The following VRK2 variants were observed in gnomAD, a reference collection of about 807,000 sequenced individuals.
The protein encoded by VRK2 is serine/threonine-protein kinase VRK2.
VRK2 carries 60 observed loss-of-function variants against 57.6 expected under a neutral mutation model. That is an observed-to-expected ratio of 1.04 (90% CI 0.85 to 1.29). VRK2 has a LOEUF of 1.29. VRK2 is among the 50% of genes most tolerant of loss of function. The pLI is 0.00. For synonymous variants in VRK2, 231 were observed against 199.2 expected (o/e 1.16, Z -1.35); for missense variants, 705 against 588.1 (o/e 1.20, Z -2.06).
intron 1 of VRK2, chr2:58,047,366 G>A (rs899144348): frequency 1.1e-6 from 1 of 951,126 alleles, no homozygotes; most frequent in Non-Finnish European, 1.3e-6. Flanking sequence ...ACTCATCTTA[G>A]CCCTGGGAAG....
chr2:58,020,326 C>T (rs1673712982), intron 1 of VRK2, among the ~76,000 whole-genome samples: 1 of 152,222 alleles, frequency 6.6e-6, no homozygotes, highest in Non-Finnish European at 1.5e-5. Context: ...CCACCTCAGC[C>T]TCCTACCTAA....
intron 7 of VRK2, among the ~76,000 whole-genome samples, chr2:58,095,992 T>G (rs761205271): frequency 6.6e-4 from 100 of 152,234 alleles, no homozygotes; most frequent in Non-Finnish European, 1.3e-3. Context: ...TTGAATGTGT[T>G]TTATTTTTAT....
chr2:57,939,744 T>C (rs1341061817), intron 1 of VRK2, among the ~76,000 whole-genome samples: 12 of 152,242 alleles, frequency 7.9e-5, no homozygotes, highest in Non-Finnish European at 1.0e-4. Flanking sequence ...TTGTTAACTA[T>C]TGAAGTTGAT....
chr2:57,929,036 G>A (rs1267890870), intron 1 of VRK2, among the ~76,000 whole-genome samples: 2 of 152,106 alleles, frequency 1.3e-5, no homozygotes, highest in African/African-American at 4.8e-5. Flanking sequence ...CTTGCCCAAG[G>A]CCCACAATAA....
At chr2:58,041,186 G>C in intron 3 of VRK2, 3 of 406,270 alleles carry the variant, frequency 7.4e-6, no homozygotes, top group Non-Finnish European at 1.0e-5. Context: ...GTCAATATTT[G>C]GTTTACTACA....
chr2:58,025,252 G>GGCATTGCTCA (rs952724825), intron 1 of VRK2, among the ~76,000 whole-genome samples: 9 of 148,732 alleles, frequency 6.1e-5, no homozygotes, highest in Admixed American at 2.6e-4. Flanking sequence ...CACAAGAAAA[G>GGCATTGCTCA]GCATTGCTCA....
At chr2:58,022,063 T>C (rs1331638370) in intron 1 of VRK2, among the ~76,000 whole-genome samples, 1 of 152,214 alleles carries the variant, frequency 6.6e-6, no homozygotes, top group Non-Finnish European at 1.5e-5. Context: ...ACTCATTAGC[T>C]ATTTCAAACC....
At chr2:57,993,418 T>C (rs537135475) in intron 1 of VRK2, among the ~76,000 whole-genome samples, 2 of 151,682 alleles carry the variant, frequency 1.3e-5, no homozygotes, top group African/African-American at 2.4e-5. Context: ...ATGGGTGTGC[T>C]AAGCAATGGG....
chr2:58,084,130 G>A lies in VRK2; in HGVS notation c.178G>A (p.Val60Ile), dbSNP rs781297733. Residue 60 changes from valine (V) to isoleucine (I), a missense_variant, in exon 3 of 13, where the codon GTA (valine) becomes ATA (isoleucine). By Grantham distance (29) the Val-to-Ile change is conservative (BLOSUM62 3). Transcript: ENST00000340157. ...NKPEKDARHV[V>I]KVEYQENGPL... ...ACCAGAGAAAGATGCAAGACATGTA[G>A]TAAAAGTGGTAAGTGTTGCTCATAG... 1 of 1,606,136 alleles carries A rather than the reference G, an allele frequency of 6.2e-7. No individual in the cohort carries two copies. The highest frequency in any genetic ancestry group is 1.1e-5 in the South Asian group (1 of 89,674).
In VRK2 at chr2:58,088,389, C is replaced by G. The variant is rs1439271270; in HGVS notation, c.393C>G (p.Ile131Met). 1.2e-6 allele frequency: 2 copies of G among 1,613,282 alleles called. No homozygotes were observed. The highest frequency in any genetic ancestry group is 1.3e-5 in the African/African-American group (1 of 74,910). Residue 131 changes from isoleucine to methionine, a missense_variant, in exon 6 of 13, where the codon ATC (isoleucine) becomes ATG (methionine). Ile to Met is a conservative substitution (Grantham distance 10). Coordinates refer to ENST00000340157, the MANE Select transcript of VRK2 (RefSeq NM_006296.7). ...MERLGIDLQK[I>M]SGQNGTFKKS... ...GACTAGGAATAGATTTACAGAAGAT[C>G]TCAGGCCAGAATGGTACCTTTAAAA...
chr2:57,948,716 C>G (rs1348862774), intron 1 of VRK2, among the ~76,000 whole-genome samples: 2 of 151,968 alleles, frequency 1.3e-5, no homozygotes, highest in African/African-American at 4.8e-5. Flanking sequence ...CATAAGCTTT[C>G]TTGGTAAGGT....
chr2:58,058,199 A>AT (rs1188884460), intron 2 of VRK2, among the ~76,000 whole-genome samples: 1 of 151,924 alleles, frequency 6.6e-6, no homozygotes, highest in East Asian at 1.9e-4. Flanking sequence ...TCATGAATTA[A>AT]TTTTTTTTCA....
intron 2 of VRK2, among the ~76,000 whole-genome samples, chr2:58,072,744 T>C (rs951674604): frequency 3.3e-5 from 5 of 151,920 alleles, no homozygotes; most frequent in African/African-American, 9.7e-5. Context: ...TTTTATCTGG[T>C]TTTGTTATTA....
At chr2:58,047,493 T>G in intron 1 of VRK2, 1 of 985,046 alleles carries the variant, frequency 1.0e-6, no homozygotes, top group South Asian at 4.7e-5. Flanking sequence ...GAGTCTCCCT[T>G]ACCGCCTCAA....
At chr2:58,001,614 G>A (rs114453013) in intron 1 of VRK2, among the ~76,000 whole-genome samples, 1 of 152,042 alleles carries the variant, frequency 6.6e-6, no homozygotes, top group Non-Finnish European at 1.5e-5. Flanking sequence ...TTGAGGTGAG[G>A]AGTTTGTGAC....
chr2:58,005,852 C>T (rs1040707696), intron 1 of VRK2, among the ~76,000 whole-genome samples: 1 of 152,114 alleles, frequency 6.6e-6, no homozygotes, highest in African/African-American at 2.4e-5. Flanking sequence ...AGAGACCTCC[C>T]CAGCCCTACT....
At chr2:57,930,509 CAA>C (rs371137088) in intron 1 of VRK2, among the ~76,000 whole-genome samples, 2 of 152,150 alleles carry the variant, frequency 1.3e-5, no homozygotes, top group African/African-American at 4.8e-5. Flanking sequence ...TTCTGTGATA[CAA>C]AGTTAAAACC....
intron 1 of VRK2, among the ~76,000 whole-genome samples, chr2:57,927,227 A>G (rs907108496): frequency 6.6e-6 from 1 of 150,430 alleles, no homozygotes; most frequent in African/African-American, 2.4e-5. Flanking sequence ...TGTATTGCCT[A>G]TGTCTTGAAA....
intron 2 of VRK2, among the ~76,000 whole-genome samples, chr2:58,050,909 A>G (rs997190843): frequency 4.6e-5 from 7 of 151,942 alleles, no homozygotes; most frequent in Non-Finnish European, 8.8e-5. Context: ...CAGTGGCTCA[A>G]TCTCGGCCCA....
Sources: gnomAD v4.1 joint callset for allele counts (sites outside exome capture counted in the v4.1 genomes callset) on GRCh38, gnomAD v4.1.1 for gene constraint, MANE v1.5 for transcripts, NCBI Gene and HGNC (gene_info 2026-07-23, HGNC 2026-07-21) for gene names.